The following FEZ2 variants were observed in gnomAD, a reference collection of about 807,000 sequenced individuals.
FEZ2 encodes the protein fasciculation and elongation protein zeta-2.
In FEZ2, 51 loss-of-function variants were observed where a neutral mutation model predicts 40.4. That is an observed-to-expected ratio of 1.26 (90% CI 1.01 to 1.59). The LOEUF is 1.59. Among genes scored for constraint, FEZ2 ranks in the 40% most tolerant of loss-of-function variants. FEZ2 has a pLI of 0.00. For synonymous variants in FEZ2, 242 were observed against 172.0 expected (o/e 1.41, Z -3.18); for missense variants, 640 against 438.3 (o/e 1.46, Z -4.11).
At chr2:36,575,913 C>G (rs1262358249) in intron 5 of FEZ2, among the ~76,000 whole-genome samples, 1 of 151,712 alleles carries the variant, frequency 6.6e-6, no homozygotes, top group Admixed American at 6.6e-5. Flanking sequence ...GGAAGCTATT[C>G]TATACTTAAC....
intron 5 of FEZ2, among the ~76,000 whole-genome samples, chr2:36,567,724 T>C (rs1326080305): frequency 6.7e-6 from 1 of 150,066 alleles, no homozygotes; most frequent in Non-Finnish European, 1.5e-5. Flanking sequence ...ATCGCACCAT[T>C]GCACTCCAGC....
rs1001463223 is a variant in FEZ2 at position 36,554,389 on chromosome 2, C to G, written c.1046-1210G>C. On this transcript the variant is annotated intron_variant, in intron 7 of 7. Transcript: ENST00000405912. ...AGAATGCTTCAGAAGCTCATTCTAT[C>G]TCTGGCCCTCATAGAGGCCTAGGAA... 1.1e-5 allele frequency: 5 copies of G among 459,000 alleles called. No individual in the cohort carries two copies. In the Admixed American group the frequency reaches 1.2e-4, roughly 11 times the overall value. 28.4% of individuals were successfully genotyped at this position (459,000 alleles called of 1,614,324 possible).
chr2:36,597,996 G>A lies in FEZ2; in HGVS notation c.147C>T (p.Ala49=), dbSNP rs1163340587. ...GCTTCTCCTCCAAGCTGCAGGCCGG[G>A]GCCGGGAAACCGTCGGCGCCCCCAC... ...EAGGGADGFP[A]PACSLEEKLS... is the part of the protein sequence containing the mutation. The change falls in exon 1 of 8, where the codon GCC becomes GCT. Residue 49 remains alanine (A), a synonymous_variant. Transcript: ENST00000405912. 4 of 1,493,746 alleles carry A rather than the reference G, an allele frequency of 2.7e-6. No individual in the cohort carries two copies. Among genetic ancestry groups the A allele is most frequent in the South Asian group, 1.2e-5 (1 of 80,452 alleles). The allele number at this position is 1,493,746 out of a possible 1,614,324, so 92.5% of individuals were successfully genotyped here.
intron 2 of FEZ2, among the ~76,000 whole-genome samples, chr2:36,588,929 G>A (rs539805620): frequency 3.8e-4 from 57 of 151,886 alleles, no homozygotes; most frequent in Non-Finnish European, 6.2e-4. Context: ...AACTATGAAT[G>A]GAAACTCTTC....
intron 5 of FEZ2, among the ~76,000 whole-genome samples, chr2:36,563,279 G>A (rs1376391999): frequency 6.6e-6 from 1 of 152,104 alleles, no homozygotes; most frequent in African/African-American, 2.4e-5. Flanking sequence ...AAGGTAACCT[G>A]GAAAAACAAA....
chr2:36,566,565 CT>C (rs1668245723), intron 5 of FEZ2, among the ~76,000 whole-genome samples: 1 of 152,192 alleles, frequency 6.6e-6, no homozygotes, highest in African/African-American at 2.4e-5. Flanking sequence ...AGGCATCTGA[CT>C]GATAGTCAGT....
At chr2:36,553,651 A>G (rs998325790) in intron 7 of FEZ2, among the ~76,000 whole-genome samples, 2 of 152,188 alleles carry the variant, frequency 1.3e-5, no homozygotes, top group Non-Finnish European at 2.9e-5. Flanking sequence ...GGTGCGAGAA[A>G]GAGAAGCTCA....
At position 36,581,337 on chromosome 2, in the gene FEZ2, T is replaced by C. The variant is rs1668740407; in HGVS notation, c.587A>G (p.Gln196Arg). 2 of 1,613,874 alleles carry C rather than the reference T, an allele frequency of 1.2e-6. No homozygotes were observed. The highest frequency in any genetic ancestry group is 1.7e-6 in the Non-Finnish European group (2 of 1,179,758). ...AGACCTCTTGAGAGTTTGAATTTCC[T>C]GGGAAAGCATTGAAAGCCGATCTGA... The part of the protein sequence containing the change: ...TQSDRLSMLS[Q>R]EIQTLKRSST... Residue 196 changes from glutamine (Q) to arginine (R), a missense_variant, in exon 4 of 8, where the codon CAG (glutamine) becomes CGG (arginine). Gln to Arg is a conservative substitution (Grantham distance 43, BLOSUM62 1). Transcript: ENST00000405912.
chr2:36,586,115 AG>A (rs1668891935), intron 2 of FEZ2, among the ~76,000 whole-genome samples: 3 of 152,040 alleles, frequency 2.0e-5, no homozygotes, highest in Admixed American at 2.0e-4. Context: ...TCTTGATGAG[AG>A]GGGATGTATG....
chr2:36,590,584 C>G (rs752366350), intron 2 of FEZ2: 2 of 203,482 alleles, frequency 9.8e-6, no homozygotes, highest in African/African-American at 2.3e-5. Context: ...GGGAGAATCG[C>G]TTGAACCCAG....
intron 3 of FEZ2, 89 bp downstream of exon 3, chr2:36,583,264 C>T: frequency 1.4e-6 from 1 of 716,578 alleles, no homozygotes; most frequent in South Asian, 1.6e-5. Flanking sequence ...GATAAGTAAA[C>T]CAACAGCCAT....
At chr2:36,555,231 A>C (rs1177463248) in intron 7 of FEZ2, 1 of 153,166 alleles carries the variant, frequency 6.5e-6, no homozygotes, top group Non-Finnish European at 1.5e-5. Context: ...TGTGTCTTAC[A>C]TCAGTCCCTT....
chr2:36,571,063 T>C (rs956561141), intron 5 of FEZ2, among the ~76,000 whole-genome samples: 11 of 152,186 alleles, frequency 7.2e-5, no homozygotes, highest in African/African-American at 4.8e-5. Flanking sequence ...CCAAAAACCA[T>C]TGCAGAAAAC....
chr2:36,582,168 C>T (rs1313103750), intron 3 of FEZ2, among the ~76,000 whole-genome samples: 1 of 149,850 alleles, frequency 6.7e-6, no homozygotes, highest in African/African-American at 2.5e-5. Context: ...TAGAACTCAG[C>T]GAAAATGTAA....
chr2:36,587,455 A>T lies in FEZ2; in HGVS notation c.375+3448T>A, dbSNP rs577793996. Among the ~76,000 whole-genome samples the T allele has an allele frequency of 4.6e-5, 7 of 152,326 alleles. No individual in the cohort carries two copies. The East Asian group carries it at 1.2e-3, about 25-fold the overall frequency. ...CCTGGTGGTACTGTTTCCCTGTATA[A>T]AACTGAAGATACATCAAATGGAAAA... On this transcript the variant is annotated intron_variant, in intron 2 of 7. Coordinates refer to ENST00000405912, the MANE Select transcript of FEZ2 (RefSeq NM_005102.3).
At chr2:36,590,880 T>G in intron 2 of FEZ2, 23 bp downstream of exon 2, 1 of 1,277,294 alleles carries the variant, frequency 7.8e-7, no homozygotes, top group Non-Finnish European at 1.1e-6. Context: ...ATTCAAACAC[T>G]ATTGGTTCAA....
At chr2:36,583,562 C>A in intron 2 of FEZ2, 93 bp from the exon 3 acceptor site, 1 of 695,370 alleles carries the variant, frequency 1.4e-6, no homozygotes, top group South Asian at 1.6e-5. Flanking sequence ...AGAAAAGCAA[C>A]TACTAAGAGC....
At chr2:36,558,780 G>T (rs1573000102) in intron 5 of FEZ2, 1 of 259,328 alleles carries the variant, frequency 3.9e-6, no homozygotes, top group East Asian at 6.7e-5. Flanking sequence ...AATTTCATAG[G>T]ACTAAGTCTG....
At chr2:36,594,028 T>C (rs912857931) in intron 1 of FEZ2, among the ~76,000 whole-genome samples, 4 of 151,980 alleles carry the variant, frequency 2.6e-5, no homozygotes, top group African/African-American at 9.7e-5. Context: ...CACAAATCTC[T>C]AGGGCAGGGG....
Sources: gnomAD v4.1 joint callset for allele counts (sites outside exome capture counted in the v4.1 genomes callset) on GRCh38, gnomAD v4.1.1 for gene constraint, MANE v1.5 for transcripts, NCBI Gene and HGNC (gene_info 2026-07-23, HGNC 2026-07-21) for gene names.